SPATA6L: variants seen among roughly 807,000 people sequenced by gnomAD.
SPATA6L encodes spermatogenesis associated 6 like.
A neutral mutation model predicts 49.2 loss-of-function variants in SPATA6L; 68 were observed. The observed-to-expected ratio is 1.38, with a 90% CI of 1.14 to 1.69. The LOEUF is 1.69. Ranked by LOEUF, SPATA6L falls within the 40% of genes most tolerant of loss-of-function variation. The probability of loss-of-function intolerance (pLI) is 0.00; values close to 1 mark genes in which losing one functional copy is unlikely to be tolerated. For missense variants in SPATA6L, 668 were observed against 464.3 expected (o/e 1.44, Z -4.03); for synonymous variants, 198 against 165.7 (o/e 1.19, Z -1.50).
At chr9:4,636,895 C>A (rs184985775) in intron 3 of SPATA6L, among the ~76,000 whole-genome samples, 1 of 152,288 alleles carries the variant, frequency 6.6e-6, no homozygotes, top group Admixed American at 6.5e-5. Context: ...AATGTACTTC[C>A]ACCATGCATG....
At chr9:4,620,668 G>C (rs997039279) in intron 7 of SPATA6L, among the ~76,000 whole-genome samples, 1 of 152,076 alleles carries the variant, frequency 6.6e-6, no homozygotes, top group African/African-American at 2.4e-5. Context: ...TCTAAATGTA[G>C]GTATGCCAAA....
chr9:4,661,016 C>A (rs550911257), intron 2 of SPATA6L, among the ~76,000 whole-genome samples: 20 of 152,070 alleles, frequency 1.3e-4, no homozygotes, highest in Non-Finnish European at 2.5e-4. Context: ...GAACATCACA[C>A]ACAGGGGCCT....
At chr9:4,629,692 T>A (rs927687600) in intron 4 of SPATA6L, among the ~76,000 whole-genome samples, 6 of 150,840 alleles carry the variant, frequency 4.0e-5, no homozygotes, top group African/African-American at 1.5e-4. Flanking sequence ...TTTGTTTCAT[T>A]GATTTTTCTA....
downstream of SPATA6L, among the ~76,000 whole-genome samples, chr9:4,594,503 C>T (rs758188593): frequency 7.2e-5 from 11 of 152,176 alleles, no homozygotes; most frequent in Admixed American, 1.3e-4. Context: ...TGAGCCACCG[C>T]GCCCAGCGGG....
chr9:4,615,270 T>A (rs1350855075), intron 9 of SPATA6L, among the ~76,000 whole-genome samples: 1 of 152,248 alleles, frequency 6.6e-6, no homozygotes, highest in African/African-American at 2.4e-5. Context: ...ACTTCTTTTT[T>A]ATTATTTTTT....
rs77604216 is a variant in SPATA6L at position 4,605,372 on chromosome 9, T to C, written c.1064A>G (p.His355Arg). 3 of 1,614,116 alleles carry C rather than the reference T, an allele frequency of 1.9e-6. No homozygotes were observed. The highest frequency in any genetic ancestry group is 2.5e-6 in the Non-Finnish European group (3 of 1,179,958). Residue 355 changes from histidine (H) to arginine (R), a missense_variant, in exon 10 of 12, where the codon CAC becomes CGC. Transcript: ENST00000682582. ...CTTGTTTTGGTGCAGCTGTGCTCTG[T>C]GGGATGTCAGAAGACTGCATACCCT... The part of the protein sequence containing the change: ...HERVCSLLTS[H>R]RAQLHQNKED...
chr9:4,597,602 C>T (rs760383520), downstream of SPATA6L, among the ~76,000 whole-genome samples: 1 of 152,156 alleles, frequency 6.6e-6, no homozygotes, highest in Non-Finnish European at 1.5e-5. Context: ...CTTTGATAAA[C>T]AAAGTAACTT....
intron 3 of SPATA6L, among the ~76,000 whole-genome samples, chr9:4,648,028 T>G (rs1357888383): frequency 2.0e-5 from 3 of 151,960 alleles, no homozygotes; most frequent in Non-Finnish European, 2.9e-5. Context: ...TGAGATGGAG[T>G]TTCGCCATGT....
At chr9:4,646,697 A>G (rs1449587885) in intron 3 of SPATA6L, among the ~76,000 whole-genome samples, 1 of 152,236 alleles carries the variant, frequency 6.6e-6, no homozygotes, top group Non-Finnish European at 1.5e-5. Context: ...AGAATTAACC[A>G]ATCAAGAGAG....
intron 9 of SPATA6L, among the ~76,000 whole-genome samples, chr9:4,606,050 A>T (rs4601379): frequency 0.17 from 26,284 of 151,792 alleles, 3,202 homozygotes; most frequent in East Asian, 0.33. Flanking sequence ...AAGGGGTGAC[A>T]GATGGCACCT....
At position 4,661,986 on chromosome 9, in the gene SPATA6L, C is replaced by G. The variant is rs1483932984; in HGVS notation, c.90G>C (p.Gly30=). The G allele has an allele frequency of 1.2e-6, 2 of 1,614,010 alleles. No homozygotes were observed. Among genetic ancestry groups the G allele is most frequent in the Non-Finnish European group, 1.7e-6 (2 of 1,179,990 alleles). ...FLPGKQDVYL[G]VYLMNQYLET... ...CCAGGTACTGATTCATGAGGTAGAC[C>G]CCGAGGTACACATCTTGTTTGCCAG... Residue 30 remains glycine, a synonymous_variant, in exon 2 of 12, where the codon GGG becomes GGC. Coordinates refer to ENST00000682582, the MANE Select transcript of SPATA6L (RefSeq NM_001353486.2).
At chr9:4,634,796 T>A (rs1163030431) in intron 4 of SPATA6L, among the ~76,000 whole-genome samples, 1 of 152,210 alleles carries the variant, frequency 6.6e-6, no homozygotes, top group African/African-American at 2.4e-5. Flanking sequence ...GAATATCTGC[T>A]ACATCCTTCA....
chr9:4,640,963 C>G (rs1395120007), intron 3 of SPATA6L, among the ~76,000 whole-genome samples: 1 of 152,166 alleles, frequency 6.6e-6, no homozygotes, highest in Non-Finnish European at 1.5e-5. Context: ...AACCTTTTCA[C>G]AGATGGGCTT....
chr9:4,663,056 C>T (rs762053836), intron 1 of SPATA6L: 7 of 1,613,988 alleles, frequency 4.3e-6, no homozygotes. Context: ...TCATCCTGAA[C>T]CACCTGGTGC....
rs570928417 is a variant in SPATA6L, at chr9:4,637,227, T to C, written c.227-1828A>G. On this transcript the variant is annotated intron_variant, in intron 3 of 11. Coordinates refer to ENST00000682582, the MANE Select transcript of SPATA6L (RefSeq NM_001353486.2). ...CAAGCTCTCCTCCACATAACGGTTT[T>C]GCCTTATTGTTCTTCCTCCCTCTAA... Among the ~76,000 whole-genome samples the C allele has an allele frequency of 2.6e-5, 4 of 152,262 alleles. No individual in the cohort carries two copies. In the East Asian group the frequency reaches 7.7e-4, roughly 29 times the overall value.
chr9:4,609,065 C>T (rs1011090753), intron 9 of SPATA6L, among the ~76,000 whole-genome samples: 6 of 150,688 alleles, frequency 4.0e-5, no homozygotes, highest in East Asian at 1.9e-4. Flanking sequence ...ATAAATTCCT[C>T]GACACATACG....
chr9:4,646,606 C>T lies in SPATA6L; in HGVS notation c.226+9435G>A, dbSNP rs1587396463. ...CAATAATTATTAAGTTTTAAACTGT[C>T]ATAAAACCCACTTAATAGTAATAAT... On this transcript the variant is annotated intron_variant, in intron 3 of 11. Transcript: ENST00000682582. The T allele has an allele frequency of 4.1e-6, 3 of 736,732 alleles. No homozygotes were observed. In the East Asian group the frequency reaches 9.1e-5, roughly 22 times the overall value. 45.6% of individuals were successfully genotyped at this position (736,732 alleles called of 1,614,324 possible).
chr9:4,663,430 G>A (rs1840344850), intron 1 of SPATA6L: 2 of 732,962 alleles, frequency 2.7e-6, no homozygotes, highest in South Asian at 1.9e-5. Flanking sequence ...AGCACACACT[G>A]GCCATTACTG....
Position 4,662,802 on chromosome 9 carries a change from G to T in SPATA6L, c.40-766C>A. The T allele has an allele frequency of 6.2e-7, 1 of 1,605,034 alleles. No homozygotes were observed. Among genetic ancestry groups the T allele is most frequent in the South Asian group, 1.1e-5 (1 of 91,076 alleles). ...GAAGCTGCTGGAGATCTCGGGACAC[G>T]GCATCCCCTGGCTGCTGGGCACCCT... On this transcript the variant is annotated intron_variant, in intron 1 of 11. Coordinates refer to ENST00000682582, the MANE Select transcript of SPATA6L (RefSeq NM_001353486.2). This position sits in a 1 kb window ranked among gnomAD's most constrained non-coding sequence, Gnocchi z 4.9.
Sources: gnomAD v4.1 joint callset for allele counts (sites outside exome capture counted in the v4.1 genomes callset) on GRCh38, gnomAD v4.1.1 for gene constraint, Gnocchi (gnomAD v3.1) non-coding constraint, MANE v1.5 for transcripts, NCBI Gene and HGNC (gene_info 2026-07-23, HGNC 2026-07-21) for gene names.